SGSM1: variants seen among roughly 807,000 people sequenced by gnomAD.
SGSM1 encodes the protein RUN and TBC1 domain containing 2.
Under a neutral mutation model 133.8 loss-of-function variants are expected in SGSM1, and 73 were observed. That is an observed-to-expected ratio of 0.55 (90% confidence interval 0.45 to 0.66). The LOEUF (loss-of-function observed/expected upper bound fraction) is 0.66, where lower values mean the gene tolerates loss of function less well. Ranked by LOEUF, SGSM1 falls within the 30% of genes least tolerant of loss-of-function variation. The probability of loss-of-function intolerance (pLI) is 0.00; values close to 1 mark genes in which losing one functional copy is unlikely to be tolerated. For missense variants in SGSM1, 1,213 were observed against 1,448.1 expected (o/e 0.84, Z 2.64); for synonymous variants, 563 against 573.0 (o/e 0.98, Z 0.25).
At chr22:24,920,850 C>T (rs2123751360) in intron 24 of SGSM1, among the ~76,000 whole-genome samples, 1 of 152,284 alleles carries the variant, frequency 6.6e-6, no homozygotes, top group East Asian at 1.9e-4. Context: ...CTTGGCCTCG[C>T]TTTGCCTACT....
chr22:24,831,960 A>C (rs1929142857), intron 2 of SGSM1, among the ~76,000 whole-genome samples: 1 of 152,212 alleles, frequency 6.6e-6, no homozygotes, highest in Non-Finnish European at 1.5e-5. Context: ...GAGGAGGCCT[A>C]GGTTGGCTGG....
intron 18 of SGSM1, among the ~76,000 whole-genome samples, chr22:24,897,106 G>A (rs1354877445): frequency 4.0e-5 from 6 of 150,686 alleles, no homozygotes; most frequent in Non-Finnish European, 5.9e-5. Flanking sequence ...CACGCGGGGC[G>A]TGGTGGCTCA....
chr22:24,842,002 C>T (rs1376514632), intron 2 of SGSM1, among the ~76,000 whole-genome samples: 1 of 152,206 alleles, frequency 6.6e-6, no homozygotes, highest in Non-Finnish European at 1.5e-5. Context: ...ACCCAGCTGC[C>T]TGGACTCCCC....
intron 2 of SGSM1, among the ~76,000 whole-genome samples, chr22:24,815,960 G>A (rs1177749259): frequency 6.6e-6 from 1 of 152,134 alleles, no homozygotes; most frequent in Non-Finnish European, 1.5e-5. Context: ...AAAACTGGGA[G>A]GGTCAGTTTC....
chr22:24,806,848 G>GC (rs528815200), intron 2 of SGSM1, among the ~76,000 whole-genome samples: 191 of 152,104 alleles, frequency 1.3e-3, no homozygotes, highest in African/African-American at 4.4e-3. Flanking sequence ...CTAGGGGGAC[G>GC]CCCCCCACAG....
At chr22:24,843,060 A>G (rs1344430960) in intron 2 of SGSM1, among the ~76,000 whole-genome samples, 1 of 152,194 alleles carries the variant, frequency 6.6e-6, no homozygotes, top group East Asian at 1.9e-4. Context: ...ATAAGTTTCA[A>G]TTTCTACTCT....
chr22:24,846,879 C>T (rs1463097509), intron 3 of SGSM1, among the ~76,000 whole-genome samples: 4 of 150,486 alleles, frequency 2.7e-5, no homozygotes, highest in Admixed American at 6.6e-5. Flanking sequence ...CTCGCTCTGT[C>T]GCCCAGGCTG....
intron 2 of SGSM1, among the ~76,000 whole-genome samples, chr22:24,818,189 G>A (rs2147789206): frequency 6.6e-6 from 1 of 150,842 alleles, no homozygotes; most frequent in Middle Eastern, 3.4e-3. Context: ...TTGAGACCAT[G>A]CCACTGCACT....
chr22:24,886,401 G>A (rs62231158), intron 15 of SGSM1, among the ~76,000 whole-genome samples, 199 bp from the exon 16 acceptor site: 12 of 61,054 alleles, frequency 2.0e-4, no homozygotes, highest in Non-Finnish European at 3.4e-4. Context: ...CTGTCTCAAA[G>A]AGAAGAAGAT....
intron 9 of SGSM1, among the ~76,000 whole-genome samples, chr22:24,860,916 AAAAAAAAT>A (rs1168350575): frequency 3.7e-4 from 33 of 90,320 alleles, no homozygotes; most frequent in African/African-American, 1.8e-3. Flanking sequence ...AAAAAAAAAA[AAAAAAAAT>A]ATATATATAT....
chr22:24,884,766 GC>G (rs1345402114), intron 15 of SGSM1, among the ~76,000 whole-genome samples: 1 of 152,086 alleles, frequency 6.6e-6, no homozygotes, highest in Non-Finnish European at 1.5e-5. Flanking sequence ...GGACCTGCTG[GC>G]CCCACAGCTT....
At chr22:24,860,053 G>A (rs1007713703) in intron 9 of SGSM1, among the ~76,000 whole-genome samples, 1 of 152,200 alleles carries the variant, frequency 6.6e-6, no homozygotes, top group Admixed American at 6.5e-5. Flanking sequence ...AACTGGAAGA[G>A]TCTTAGGGCA....
chr22:24,817,003 T>C (rs1344381690), intron 2 of SGSM1, among the ~76,000 whole-genome samples: 1 of 152,018 alleles, frequency 6.6e-6, no homozygotes, highest in Non-Finnish European at 1.5e-5. Flanking sequence ...CTCCACTTGG[T>C]CATGGGGGGG....
At chr22:24,821,767 G>C (rs1227352656) in intron 2 of SGSM1, among the ~76,000 whole-genome samples, 1 of 152,130 alleles carries the variant, frequency 6.6e-6, no homozygotes, top group African/African-American at 2.4e-5. Context: ...ACTTATTAAA[G>C]TCTTATTGGA....
intron 5 of SGSM1, among the ~76,000 whole-genome samples, 164 bp downstream of exon 5, chr22:24,850,596 T>C (rs1415185041): frequency 6.6e-6 from 1 of 152,234 alleles, no homozygotes. Context: ...AAGAGCTTAA[T>C]GGCAGTGCAA....
intron 19 of SGSM1, among the ~76,000 whole-genome samples, chr22:24,899,808 T>A (rs372407379): frequency 5.6e-4 from 85 of 152,048 alleles, no homozygotes; most frequent in African/African-American, 1.7e-3. Flanking sequence ...GGCGTGAGCC[T>A]CCATGCCTAG....
At chr22:24,914,626 A>G (rs185948591) in intron 22 of SGSM1, among the ~76,000 whole-genome samples, 15 of 152,300 alleles carry the variant, frequency 9.8e-5, no homozygotes, top group Admixed American at 3.3e-4. Flanking sequence ...TTCTTTTACA[A>G]TATATGCATA....
intron 12 of SGSM1, among the ~76,000 whole-genome samples, chr22:24,869,145 C>G (rs1931633754): frequency 3.3e-5 from 5 of 152,148 alleles, no homozygotes; most frequent in African/African-American, 1.2e-4. Flanking sequence ...GCCCTCTGTG[C>G]CTCAGTTTCC....
chr22:24,832,966 A>T (rs1175727869), intron 2 of SGSM1, among the ~76,000 whole-genome samples: 2 of 149,136 alleles, frequency 1.3e-5, no homozygotes, highest in African/African-American at 5.0e-5. Flanking sequence ...ACGGCGTTTC[A>T]TTCTTGTTGC....
Sources: gnomAD v4.1 joint callset for allele counts (sites outside exome capture counted in the v4.1 genomes callset) on GRCh38, gnomAD v4.1.1 for gene constraint, MANE v1.5 for transcripts, NCBI Gene and HGNC (gene_info 2026-07-23, HGNC 2026-07-21) for gene names.